Variants in SUPT3H observed in about 807,000 individuals in gnomAD.
SUPT3H encodes the protein SPT3 homolog, SAGA and STAGA complex component.
In SUPT3H, 44 loss-of-function variants were observed where a neutral mutation model predicts 44.3. The observed-to-expected ratio is 0.99, with a 90% CI of 0.78 to 1.28. The LOEUF is 1.28. Among genes scored for constraint, SUPT3H ranks in the 50% most tolerant of loss-of-function variants. SUPT3H has a pLI of 0.00. For synonymous variants in SUPT3H, 124 were observed against 125.6 expected (o/e 0.99, Z 0.09); for missense variants, 380 against 387.1 (o/e 0.98, Z 0.15).
intron 7 of SUPT3H, chr6:44,955,437 A>C (rs1485299182): frequency 6.6e-6 from 1 of 152,342 alleles, no homozygotes; most frequent in Admixed American, 6.5e-5. Context: ...GAGCTGGGTG[A>C]GGCCTGCGGC....
intron 10 of SUPT3H, among the ~76,000 whole-genome samples, chr6:44,850,792 CTATA>C (rs1772757950): frequency 1.3e-5 from 2 of 150,718 alleles, no homozygotes; most frequent in African/African-American, 4.9e-5. Context: ...ATCTATCTAT[CTATA>C]AATGTACCTT....
chr6:45,150,667 G>A (rs1324140051), intron 2 of SUPT3H, among the ~76,000 whole-genome samples: 3 of 150,272 alleles, frequency 2.0e-5, no homozygotes, highest in African/African-American at 7.4e-5. Context: ...CCTTGTGCCT[G>A]AAGGCTCGAT....
chr6:45,191,759 C>T (rs1018947250), intron 2 of SUPT3H, among the ~76,000 whole-genome samples: 18 of 152,010 alleles, frequency 1.2e-4, no homozygotes, highest in African/African-American at 4.3e-4. Flanking sequence ...TTTACAAAAA[C>T]GTTTATCAAA....
At chr6:45,026,938 T>C (rs1384757562) in intron 3 of SUPT3H, among the ~76,000 whole-genome samples, 1 of 151,746 alleles carries the variant, frequency 6.6e-6, no homozygotes, top group Non-Finnish European at 1.5e-5. Flanking sequence ...ATGAGACATC[T>C]CATCTGGAGC....
intron 3 of SUPT3H, among the ~76,000 whole-genome samples, chr6:45,026,431 T>TAGG (rs10645441): frequency 0.98 from 149,052 of 152,148 alleles, 73,021 homozygotes; most frequent in Middle Eastern, 1. Context: ...TAATTACTAG[T>TAGG]AGAATTATAA....
intron 6 of SUPT3H, among the ~76,000 whole-genome samples, chr6:44,993,293 G>C (rs1780841242): frequency 6.6e-6 from 1 of 152,032 alleles, no homozygotes; most frequent in Admixed American, 6.6e-5. Flanking sequence ...ATTTCACAAG[G>C]TTAAGAAAAG....
intron 2 of SUPT3H, among the ~76,000 whole-genome samples, chr6:45,256,958 G>A (rs1000019512): frequency 3.3e-5 from 5 of 152,184 alleles, no homozygotes; most frequent in Admixed American, 6.5e-5. Flanking sequence ...ATACCCAGAT[G>A]TAGAATTGCT....
At chr6:45,223,183 A>G (rs1252979489) in intron 2 of SUPT3H, among the ~76,000 whole-genome samples, 1 of 152,078 alleles carries the variant, frequency 6.6e-6, no homozygotes, top group East Asian at 1.9e-4. Flanking sequence ...ACTAAACACT[A>G]AACAAACACA....
chr6:44,831,969 C>T (rs759292110), intron 10 of SUPT3H, among the ~76,000 whole-genome samples: 48 of 152,086 alleles, frequency 3.2e-4, no homozygotes, highest in Non-Finnish European at 5.7e-4. Flanking sequence ...ACCCAGATTT[C>T]TGTGATGTTC....
chr6:44,897,508 A>G (rs936036295), intron 10 of SUPT3H, among the ~76,000 whole-genome samples: 3 of 152,318 alleles, frequency 2.0e-5, no homozygotes, highest in Non-Finnish European at 4.4e-5. Flanking sequence ...CTTATGGAGA[A>G]GAGATTAAAG....
intron 10 of SUPT3H, among the ~76,000 whole-genome samples, chr6:44,908,402 A>G (rs1056489350): frequency 2.6e-5 from 4 of 151,858 alleles, no homozygotes; most frequent in Non-Finnish European, 5.9e-5. Context: ...CCGCCCACCT[A>G]GGACTCCCAA....
At chr6:44,922,463 C>T (rs997978559) in intron 10 of SUPT3H, among the ~76,000 whole-genome samples, 1 of 152,170 alleles carries the variant, frequency 6.6e-6, no homozygotes, top group East Asian at 1.9e-4. Context: ...TTATGTAACA[C>T]TATTTAAGAA....
intron 10 of SUPT3H, among the ~76,000 whole-genome samples, chr6:44,917,754 A>G (rs141765307): frequency 6.6e-6 from 1 of 152,356 alleles, no homozygotes; most frequent in African/African-American, 2.4e-5. Flanking sequence ...TACGATACTG[A>G]GAGCTGTGTA....
chr6:45,119,121 T>C (rs1215442960), intron 2 of SUPT3H, among the ~76,000 whole-genome samples: 1 of 152,174 alleles, frequency 6.6e-6, no homozygotes. Flanking sequence ...TCATAAATGC[T>C]GAGGTTTCAC....
chr6:45,167,755 TATC>T (rs1003513386), intron 2 of SUPT3H, among the ~76,000 whole-genome samples: 1 of 151,946 alleles, frequency 6.6e-6, no homozygotes, highest in Non-Finnish European at 1.5e-5. Flanking sequence ...AACACAGCAA[TATC>T]TTCACTCAAG....
At chr6:45,304,438 A>C (rs952713860) in intron 2 of SUPT3H, among the ~76,000 whole-genome samples, 1 of 152,156 alleles carries the variant, frequency 6.6e-6, no homozygotes, top group Non-Finnish European at 1.5e-5. Context: ...ATATGTAATA[A>C]ATTTTTCCAC....
intron 7 of SUPT3H, chr6:44,955,533 C>T (rs186760671): frequency 2.0e-5 from 3 of 152,332 alleles, no homozygotes; most frequent in Non-Finnish European, 2.9e-5. Context: ...CTCCCTTGTT[C>T]TAGAAGCCAC....
At chr6:44,982,235 T>C (rs1779196571) in intron 6 of SUPT3H, among the ~76,000 whole-genome samples, 1 of 152,148 alleles carries the variant, frequency 6.6e-6, no homozygotes, top group South Asian at 2.1e-4. Flanking sequence ...ACCCAGGCTT[T>C]TTTTTTGAGA....
intron 10 of SUPT3H, among the ~76,000 whole-genome samples, chr6:44,895,181 G>T (rs1223216104): frequency 6.7e-6 from 1 of 150,228 alleles, no homozygotes; most frequent in Non-Finnish European, 1.5e-5. Flanking sequence ...AAAGTCAGAT[G>T]TATCAGAGGT....
Sources: allele counts gnomAD v4.1 joint callset (sites outside exome capture counted in the v4.1 genomes callset), GRCh38; gene constraint gnomAD v4.1.1; transcripts MANE v1.5; gene names NCBI Gene and HGNC (gene_info 2026-07-23, HGNC 2026-07-21).